SLC16A6: variants seen among roughly 807,000 people sequenced by gnomAD.
The protein encoded by SLC16A6 is solute carrier family 16 member 6.
A neutral mutation model predicts 33.8 loss-of-function variants in SLC16A6; 15 were observed. The observed-to-expected ratio is 0.44, with a 90% CI of 0.30 to 0.68. SLC16A6 has a LOEUF of 0.68. Ranked by LOEUF, SLC16A6 falls within the 30% of genes least tolerant of loss-of-function variation. SLC16A6 has a pLI of 0.10. For synonymous variants in SLC16A6, 219 were observed against 248.4 expected, an observed-to-expected ratio of 0.88 and a Z score of 1.11; for missense variants, 451 against 661.5, an observed-to-expected ratio of 0.68 and a Z score of 3.49.
intron 1 of SLC16A6, among the ~76,000 whole-genome samples, chr17:68,290,743 G>A (rs1345415221): frequency 1.3e-5 from 2 of 152,206 alleles, no homozygotes; most frequent in East Asian, 1.9e-4. Context: ...GGCTGAGCCT[G>A]GAGCCCCCGA....
At chr17:68,285,288 A>G (rs782029000) in intron 1 of SLC16A6, among the ~76,000 whole-genome samples, 8 of 152,212 alleles carry the variant, frequency 5.3e-5, no homozygotes, top group Non-Finnish European at 1.0e-4. Context: ...GACCACCTTG[A>G]AACAAAACAT....
intron 1 of SLC16A6, among the ~76,000 whole-genome samples, chr17:68,287,854 G>T (rs754320018): frequency 6.6e-6 from 1 of 152,042 alleles, no homozygotes; most frequent in South Asian, 2.1e-4. Context: ...TTAAAAAACC[G>T]AGTCATAAGG....
chr17:68,268,789 G>T lies in SLC16A6; in HGVS notation c.*307C>A. ...CAGTTCATGTCACTATTTTAATATCGGAATGTGAACCAAAGAGTCTTTCTA... is the reference window on the plus strand; with the variant it reads ...CAGTTCATGTCACTATTTTAATATCTGAATGTGAACCAAAGAGTCTTTCTA... On this transcript the variant is annotated 3_prime_UTR_variant, in exon 6 of 6. Coordinates refer to ENST00000580666, the MANE Select transcript of SLC16A6 (RefSeq NM_004694.5). 1 of 301,792 alleles carries T rather than the reference G, an allele frequency of 3.3e-6. No individual in the cohort carries two copies. Among genetic ancestry groups the T allele is most frequent in the East Asian group, 7.3e-5 (1 of 13,766 alleles). The allele number at this position is 301,792 out of a possible 1,614,324, so 18.7% of individuals were successfully genotyped here.
At chr17:68,286,713 T>C (rs1235556618) in intron 1 of SLC16A6, among the ~76,000 whole-genome samples, 1 of 152,064 alleles carries the variant, frequency 6.6e-6, no homozygotes, top group African/African-American at 2.4e-5. Flanking sequence ...GTATGTTAGC[T>C]AGGCTGGTCT....
intron 1 of SLC16A6, among the ~76,000 whole-genome samples, chr17:68,283,516 G>A (rs1427310884): frequency 1.3e-4 from 17 of 133,494 alleles, no homozygotes; most frequent in Middle Eastern, 6.3e-3. Flanking sequence ...GTGAGACTCC[G>A]TATCAGAAAA....
At chr17:68,287,973 C>G (rs2075879973) in intron 1 of SLC16A6, among the ~76,000 whole-genome samples, 1 of 150,808 alleles carries the variant, frequency 6.6e-6, no homozygotes, top group Admixed American at 6.6e-5. Context: ...CTCTCTCTCC[C>G]CCTCCCTCCC....
chr17:68,288,634 T>C (rs978411015), intron 1 of SLC16A6, among the ~76,000 whole-genome samples: 3 of 152,100 alleles, frequency 2.0e-5, no homozygotes, highest in African/African-American at 7.2e-5. Flanking sequence ...AAAAAGGGAG[T>C]TGAACTAGAC....
At chr17:68,285,223 G>T (rs782252575) in intron 1 of SLC16A6, among the ~76,000 whole-genome samples, 15 of 152,246 alleles carry the variant, frequency 9.9e-5, no homozygotes, top group Non-Finnish European at 1.8e-4. Flanking sequence ...TGGCACAGTT[G>T]TTCTAACCCA....
rs2075201783 is a variant in SLC16A6 at position 68,267,759 on chromosome 17, A to G, written c.*1337T>C. On this transcript the variant is annotated 3_prime_UTR_variant, in exon 6 of 6. Coordinates refer to ENST00000580666, the MANE Select transcript of SLC16A6 (RefSeq NM_004694.5). ...TGTAGTGTGACTCCAAAAAAAAAGG[A>G]AGAATAAAACAAACAAAACAAAACA... 6.6e-6 allele frequency: 1 copy of G among 152,224 alleles called. No individual in the cohort carries two copies. Among genetic ancestry groups the G allele is most frequent in the African/African-American group, 2.4e-5 (1 of 41,450 alleles). 9.4% of individuals were successfully genotyped at this position (152,224 alleles called of 1,614,324 possible). A position where few individuals can be genotyped will look rare whatever the true frequency, so the allele number is the denominator to read the frequency against.
Position 68,290,595 on chromosome 17 carries a change from G to A in SLC16A6, c.-8+491C>T, listed in dbSNP as rs145429271. Among the ~76,000 whole-genome samples the A allele has an allele frequency of 4.2e-3, 633 of 152,366 alleles. 5 individuals are homozygous for A. Among genetic ancestry groups the A allele is most frequent in the African/African-American group, 0.014 (597 of 41,594 alleles). On this transcript the variant is annotated intron_variant, in intron 1 of 5. Coordinates refer to ENST00000580666, the MANE Select transcript of SLC16A6 (RefSeq NM_004694.5). Reference sequence around the variant, plus strand: ...GGGAGTGCTGTGTTTGGGGGTCGGGGGAGGCAGGGAGCCCCACTTTCCCTC... The same window carrying A: ...GGGAGTGCTGTGTTTGGGGGTCGGGAGAGGCAGGGAGCCCCACTTTCCCTC...
chr17:68,275,348 C>A (rs1038421440), intron 2 of SLC16A6, among the ~76,000 whole-genome samples: 2 of 152,086 alleles, frequency 1.3e-5, no homozygotes, highest in Non-Finnish European at 2.9e-5. Flanking sequence ...AAAAGGATTC[C>A]ATTTTTTTGG....
chr17:68,278,331 A>T lies in SLC16A6; in HGVS notation c.-7-4T>A. Reference sequence around the variant, plus strand: ...TTTATTTTGGGTCATTCTTAATCTGAAAGAAAAAGTTAAAAGCAATTCAGA... The same window carrying T: ...TTTATTTTGGGTCATTCTTAATCTGTAAGAAAAAGTTAAAAGCAATTCAGA... On this transcript the variant is annotated splice_polypyrimidine_tract_variant and splice_region_variant and intron_variant, in intron 1 of 5. Transcript: ENST00000580666. 2 of 1,602,610 alleles carry T rather than the reference A, an allele frequency of 1.2e-6. No individual in the cohort carries two copies. The highest frequency in any genetic ancestry group is 1.7e-6 in the Non-Finnish European group (2 of 1,171,380).
intron 1 of SLC16A6, among the ~76,000 whole-genome samples, chr17:68,283,974 C>T (rs1286553399): frequency 6.6e-6 from 1 of 151,540 alleles, no homozygotes; most frequent in African/African-American, 2.4e-5. Context: ...GCCTGTTATC[C>T]CAGCTACCCA....
intron 2 of SLC16A6, 37 bp downstream of exon 2, chr17:68,278,052 A>C (rs782259594): frequency 2.7e-6 from 4 of 1,467,870 alleles, no homozygotes; most frequent in Non-Finnish European, 3.8e-6. Flanking sequence ...AAAGGGCCCT[A>C]TACTTACGTC....
intron 1 of SLC16A6, 97 bp from the exon 2 acceptor site, chr17:68,278,424 C>G (rs2075593151): frequency 1.4e-6 from 1 of 698,966 alleles, no homozygotes; most frequent in East Asian, 2.7e-5. Context: ...ACTACTTACC[C>G]CATTTCTTAA....
chr17:68,285,849 C>T (rs1189503953), intron 1 of SLC16A6, among the ~76,000 whole-genome samples: 1 of 151,978 alleles, frequency 6.6e-6, no homozygotes, highest in Non-Finnish European at 1.5e-5. Flanking sequence ...CCACCTCCAT[C>T]CCCCAGGTTC....
intron 1 of SLC16A6, among the ~76,000 whole-genome samples, chr17:68,287,041 T>C (rs2145181937): frequency 6.6e-6 from 1 of 152,120 alleles, no homozygotes; most frequent in South Asian, 2.1e-4. Context: ...TGGAGTGCCA[T>C]GGCACAATCT....
rs571747778 is a variant in SLC16A6 at position 68,287,941 on chromosome 17, TTCTCTCTCTCTTTCTCTCTC to T, written c.-8+3125_-8+3144del. Among the ~76,000 whole-genome samples, 1,096 of 151,224 alleles carry T rather than the reference TTCTCTCTCTCTTTCTCTCTC, an allele frequency of 7.2e-3. 4 individuals carry two copies. Among genetic ancestry groups the T allele is most frequent in the Middle Eastern group, 0.014 (4 of 292 alleles). On this transcript the variant is annotated intron_variant, in intron 1 of 5. Coordinates refer to ENST00000580666, the MANE Select transcript of SLC16A6 (RefSeq NM_004694.5). ...TTTTCTTTTCTCTTCTCTTCTTCTC[TTCTCTCTCTCTTTCTCTCTC>T]TCTCTCTCTCCCCCTCCCTCCCTCC...
Position 68,274,082 on chromosome 17 carries a change from GAACAA to G in SLC16A6, c.233-17_233-13del. On this transcript the variant is annotated splice_polypyrimidine_tract_variant and intron_variant, in intron 2 of 5. Coordinates refer to ENST00000580666, the MANE Select transcript of SLC16A6 (RefSeq NM_004694.5). ...TGTGGCGAGGGGAGCTGCCGGGAAA[GAACAA>G]AACGATATTTTAACTCACAGAGGCT... is the stretch of plus-strand genomic sequence containing the variant. 6.2e-7 allele frequency: 1 copy of G among 1,608,896 alleles called. No individual in the cohort carries two copies. The highest frequency in any genetic ancestry group is 8.5e-7 in the Non-Finnish European group (1 of 1,176,162).
Sources: gnomAD v4.1 joint callset for allele counts (sites outside exome capture counted in the v4.1 genomes callset) on GRCh38, gnomAD v4.1.1 for gene constraint, MANE v1.5 for transcripts, NCBI Gene and HGNC (gene_info 2026-07-23, HGNC 2026-07-21) for gene names.